TENM2: variants seen among roughly 807,000 people sequenced by gnomAD.
TENM2 encodes the protein teneurin transmembrane protein 2, also known as teneurin-2.
Under a neutral mutation model 245.2 loss-of-function variants are expected in TENM2, and 52 were observed. The ratio of observed to expected loss-of-function variants is 0.21; its 90% CI spans 0.17 to 0.27. The LOEUF is 0.27. TENM2 is among the 10% of genes least tolerant of loss of function. The pLI is 1.00. For synonymous variants in TENM2, 1,363 were observed against 1,438.9 expected (o/e 0.95, Z 1.19); for missense variants, 3,046 against 3,666.8 (o/e 0.83, Z 4.37).
chr5:167,225,585 G>A, the TENM2 span, among the ~76,000 whole-genome samples: 12 of 151,722 alleles, frequency 7.9e-5, no homozygotes, highest in Admixed American at 7.2e-4. Context: ...GTTGAGAATT[G>A]TTTGGTTCTA....
the TENM2 span, chr5:167,119,389 T>A: frequency 1.3e-5 from 2 of 152,318 alleles, no homozygotes; most frequent in South Asian, 4.1e-4. Context: ...TTACTAGTAA[T>A]CCGCATTTAG....
intron 12 of TENM2, among the ~76,000 whole-genome samples, chr5:168,146,975 C>G (rs1010734932): frequency 6.6e-6 from 1 of 152,214 alleles, no homozygotes; most frequent in Non-Finnish European, 1.5e-5. Flanking sequence ...GGAGTGTGTC[C>G]TTGGTGATGG....
chr5:167,360,618 A>G (rs1759656536), intron 1 of TENM2, among the ~76,000 whole-genome samples: 1 of 152,128 alleles, frequency 6.6e-6, no homozygotes, highest in Non-Finnish European at 1.5e-5. Context: ...AGAACCTGAA[A>G]ATTTCTCCTA....
the TENM2 span, among the ~76,000 whole-genome samples, chr5:167,064,385 A>G: frequency 6.6e-6 from 1 of 152,230 alleles, no homozygotes; most frequent in Non-Finnish European, 1.5e-5. Context: ...TAAGCATATC[A>G]TTATGCGTGA....
chr5:167,200,199 T>C, the TENM2 span, among the ~76,000 whole-genome samples: 3 of 152,126 alleles, frequency 2.0e-5, no homozygotes, highest in African/African-American at 4.8e-5. Flanking sequence ...AAGCATTTAA[T>C]TTGAAACTAA....
intron 23 of TENM2, among the ~76,000 whole-genome samples, chr5:168,225,837 GAGGA>G (rs1328796525): frequency 6.6e-6 from 1 of 151,796 alleles, no homozygotes; most frequent in Non-Finnish European, 1.5e-5. Flanking sequence ...TAACTAACTA[GAGGA>G]AGCCTGAGAC....
the TENM2 span, among the ~76,000 whole-genome samples, chr5:167,110,805 A>C: frequency 6.6e-6 from 1 of 152,198 alleles, no homozygotes; most frequent in Non-Finnish European, 1.5e-5. Context: ...GACTCAGAAA[A>C]AGAGAAGAGA....
At chr5:167,458,453 C>T (rs1380507493) in intron 2 of TENM2, among the ~76,000 whole-genome samples, 1 of 138,502 alleles carries the variant, frequency 7.2e-6, no homozygotes, top group East Asian at 2.1e-4. Context: ...TGCAACTGCA[C>T]TCCAGCCTAG....
intron 2 of TENM2, among the ~76,000 whole-genome samples, chr5:167,546,384 G>A (rs902558892): frequency 6.6e-6 from 1 of 152,170 alleles, no homozygotes; most frequent in Non-Finnish European, 1.5e-5. Context: ...TAAATGGCAT[G>A]ATCTCCCTAG....
intron 5 of TENM2, among the ~76,000 whole-genome samples, chr5:168,012,459 A>G (rs2152077511): frequency 1.3e-5 from 2 of 152,176 alleles, no homozygotes; most frequent in South Asian, 4.2e-4. Flanking sequence ...CCTGGGCAAC[A>G]TAATGAGACC....
intron 3 of TENM2, among the ~76,000 whole-genome samples, chr5:167,900,138 G>T (rs1434048981): frequency 2.3e-4 from 26 of 114,270 alleles, no homozygotes; most frequent in African/African-American, 3.9e-4. Context: ...AAAAAAGGGG[G>T]GGGGGGTTTT....
chr5:167,283,210 A>ATT (rs112700134), upstream of TENM2, among the ~76,000 whole-genome samples: 1 of 148,782 alleles, frequency 6.7e-6, no homozygotes, highest in African/African-American at 2.5e-5. Context: ...GGCCCAGCGA[A>ATT]TTTTTTTTTT....
intron 2 of TENM2, among the ~76,000 whole-genome samples, chr5:167,440,951 G>C (rs1297448308): frequency 6.6e-6 from 1 of 152,114 alleles, no homozygotes; most frequent in African/African-American, 2.4e-5. Context: ...ACTCCAGCTG[G>C]CTTTTCCTGA....
chr5:167,052,694 C>T, the TENM2 span, among the ~76,000 whole-genome samples: 1 of 151,692 alleles, frequency 6.6e-6, no homozygotes, highest in African/African-American at 2.4e-5. Context: ...TTTAGAATTA[C>T]AGTGATGTTG....
At chr5:167,668,935 G>A (rs951961439) in intron 2 of TENM2, among the ~76,000 whole-genome samples, 4 of 152,066 alleles carry the variant, frequency 2.6e-5, no homozygotes, top group East Asian at 1.9e-4. Flanking sequence ...CCTGAGTGAC[G>A]GGAGTGAAAC....
intron 7 of TENM2, among the ~76,000 whole-genome samples, chr5:168,084,502 G>T (rs952224751): frequency 7.9e-5 from 12 of 152,156 alleles, no homozygotes; most frequent in African/African-American, 2.4e-4. Flanking sequence ...TTTGATAGAG[G>T]TATTTCAGTT....
chr5:168,083,314 G>A (rs550621122), intron 7 of TENM2, among the ~76,000 whole-genome samples: 345 of 152,304 alleles, frequency 2.3e-3, no homozygotes, highest in African/African-American at 7.4e-3. Flanking sequence ...CGCAGTATTA[G>A]GGTGGGAGTG....
At chr5:167,107,720 A>T in the TENM2 span, among the ~76,000 whole-genome samples, 16 of 152,344 alleles carry the variant, frequency 1.1e-4, no homozygotes, top group African/African-American at 3.6e-4. Context: ...AATAGATATT[A>T]TCACTTACAT....
intron 2 of TENM2, among the ~76,000 whole-genome samples, chr5:167,722,551 A>G (rs1369866231): frequency 6.6e-6 from 1 of 152,228 alleles, no homozygotes; most frequent in Non-Finnish European, 1.5e-5. Flanking sequence ...AAAGGGATAC[A>G]GATCATGACG....
Sources: gnomAD v4.1 joint callset for allele counts (sites outside exome capture counted in the v4.1 genomes callset) on GRCh38, gnomAD v4.1.1 for gene constraint, MANE v1.5 for transcripts, NCBI Gene and HGNC (gene_info 2026-07-23, HGNC 2026-07-21) for gene names.